CNTNAP5: variants seen among roughly 807,000 people sequenced by gnomAD.
The protein encoded by CNTNAP5 is contactin associated protein family member 5.
A neutral mutation model predicts 150.2 loss-of-function variants in CNTNAP5; 72 were observed. That is an observed-to-expected ratio of 0.48 (90% CI 0.40 to 0.58). The LOEUF is 0.58. Among genes scored for constraint, CNTNAP5 ranks in the 20% least tolerant of loss-of-function variants. The pLI is 0.00. For synonymous variants in CNTNAP5, 672 were observed against 619.8 expected (o/e 1.08, Z -1.25); for missense variants, 1,636 against 1,626.2 (o/e 1.01, Z -0.10).
At chr2:124,798,371 A>C (rs901660292) in intron 19 of CNTNAP5, 51 bp downstream of exon 19, 1 of 1,292,646 alleles carries the variant, frequency 7.7e-7, no homozygotes, top group Admixed American at 1.7e-5. Flanking sequence ...GGCTGGAGGG[A>C]CGGTGCATGC....
chr2:124,434,584 G>A lies in CNTNAP5; in HGVS notation c.630G>A (p.Lys210=), dbSNP rs1487557814. ...TLKDVISLKF[K]SMQGDGVLFH... The stretch of plus-strand genomic sequence containing the variant: ...AAGATGTGATCTCCCTGAAGTTCAA[G>A]AGCATGCAAGGAGATGGGGTCCTGT... Residue 210 remains lysine (K), a synonymous_variant, in exon 5 of 24, where the codon AAG becomes AAA. Transcript: ENST00000682447. The A allele has an allele frequency of 1.2e-6, 2 of 1,613,890 alleles. No individual in the cohort carries two copies. Among genetic ancestry groups the A allele is most frequent in the East Asian group, 2.2e-5 (1 of 44,890 alleles).
chr2:124,652,059 C>A (rs185510874), intron 13 of CNTNAP5, among the ~76,000 whole-genome samples: 1 of 152,284 alleles, frequency 6.6e-6, no homozygotes, highest in Non-Finnish European at 1.5e-5. Context: ...GTGACTGAAC[C>A]ATGACACTGT....
chr2:124,447,638 C>T (rs902628586), intron 6 of CNTNAP5, among the ~76,000 whole-genome samples: 3 of 152,166 alleles, frequency 2.0e-5, no homozygotes, highest in African/African-American at 7.2e-5. Flanking sequence ...GTTAAAGCTA[C>T]AGTGGATGAA....
chr2:124,312,518 C>A (rs1202713970), intron 3 of CNTNAP5, among the ~76,000 whole-genome samples: 2 of 151,846 alleles, frequency 1.3e-5, no homozygotes, highest in Non-Finnish European at 1.5e-5. Flanking sequence ...GTGCATGCCA[C>A]CACACCCAAC....
At chr2:124,837,035 G>A (rs1204771210) in intron 19 of CNTNAP5, among the ~76,000 whole-genome samples, 1 of 152,050 alleles carries the variant, frequency 6.6e-6, no homozygotes, top group East Asian at 1.9e-4. Flanking sequence ...TCCCCTGTGA[G>A]AGGGGATCGT....
At chr2:124,800,810 G>T (rs1428589531) in intron 19 of CNTNAP5, among the ~76,000 whole-genome samples, 2 of 152,138 alleles carry the variant, frequency 1.3e-5, no homozygotes, top group Non-Finnish European at 2.9e-5. Flanking sequence ...TTAAGTTTAG[G>T]TCTCAGGGCA....
At chr2:124,541,829 C>T (rs933925121) in intron 10 of CNTNAP5, among the ~76,000 whole-genome samples, 1 of 152,096 alleles carries the variant, frequency 6.6e-6, no homozygotes, top group African/African-American at 2.4e-5. Context: ...ACATTTTGCA[C>T]ACTTATATGA....
At chr2:124,773,919 T>C (rs1004061858) in intron 17 of CNTNAP5, among the ~76,000 whole-genome samples, 14 of 143,228 alleles carry the variant, frequency 9.8e-5, no homozygotes, top group Non-Finnish European at 1.7e-4. Flanking sequence ...CGTGTGTGTG[T>C]GTGTGTGTGT....
intron 10 of CNTNAP5, among the ~76,000 whole-genome samples, chr2:124,537,485 C>T (rs896351041): frequency 1.3e-5 from 2 of 152,082 alleles, no homozygotes; most frequent in Non-Finnish European, 2.9e-5. Flanking sequence ...GCTCAGGGCT[C>T]CCATGAGACA....
intron 7 of CNTNAP5, among the ~76,000 whole-genome samples, chr2:124,483,683 C>A (rs1272887134): frequency 6.6e-6 from 1 of 152,176 alleles, no homozygotes; most frequent in African/African-American, 2.4e-5. Context: ...CATATGTATA[C>A]AACATGGCAT....
chr2:124,482,000 C>T (rs577645425), intron 7 of CNTNAP5, among the ~76,000 whole-genome samples: 70 of 152,170 alleles, frequency 4.6e-4, no homozygotes, highest in Admixed American at 1.4e-3. Flanking sequence ...GCTAGTTTCA[C>T]CTGATACTTT....
At chr2:124,533,878 G>T (rs1448656944) in intron 10 of CNTNAP5, among the ~76,000 whole-genome samples, 1 of 152,206 alleles carries the variant, frequency 6.6e-6, no homozygotes, top group East Asian at 1.9e-4. Flanking sequence ...ACTGTTTGTT[G>T]TGAGGTACCC....
intron 10 of CNTNAP5, among the ~76,000 whole-genome samples, chr2:124,528,119 A>G (rs1229664266): frequency 1.3e-5 from 2 of 152,186 alleles, no homozygotes; most frequent in East Asian, 3.9e-4. Context: ...TCCTCTCCAG[A>G]GCCTACCTCC....
chr2:124,036,895 C>T (rs1029863624), intron 1 of CNTNAP5, among the ~76,000 whole-genome samples: 1 of 152,168 alleles, frequency 6.6e-6, no homozygotes, highest in Admixed American at 6.5e-5. Context: ...GGCTCCAAAA[C>T]TCATACTTTG....
intron 5 of CNTNAP5, among the ~76,000 whole-genome samples, chr2:124,435,968 C>T (rs1009987021): frequency 6.6e-6 from 1 of 152,066 alleles, no homozygotes; most frequent in Non-Finnish European, 1.5e-5. Context: ...TGCTGGTAAC[C>T]TCATTGGTTG....
At chr2:124,126,399 A>T (rs1024212530) in intron 1 of CNTNAP5, among the ~76,000 whole-genome samples, 1 of 138,950 alleles carries the variant, frequency 7.2e-6, no homozygotes, top group Non-Finnish European at 1.5e-5. Flanking sequence ...TGGGCTCTGA[A>T]ATTGAGCCAA....
chr2:124,728,100 C>T (rs1242625883), intron 13 of CNTNAP5, among the ~76,000 whole-genome samples: 1 of 151,942 alleles, frequency 6.6e-6, no homozygotes, highest in Non-Finnish European at 1.5e-5. Flanking sequence ...TGTGGTGTAT[C>T]ACATTTATTG....
chr2:124,221,768 T>G lies in CNTNAP5; in HGVS notation c.146T>G (p.Leu49Arg), dbSNP rs372174479. Residue 49 changes from leucine to arginine, a missense_variant, in exon 2 of 24, where the codon CTC (leucine) becomes CGC (arginine). Transcript: ENST00000682447. ...ATGGCTTTTTCCAGTTCCTCAGACCTCACTGGCACTCACAGCCCAGCTCAA... is the reference window on the plus strand; with the variant it reads ...ATGGCTTTTTCCAGTTCCTCAGACCGCACTGGCACTCACAGCCCAGCTCAA... ...SPMAFSSSSDLTGTHSPAQLN... is the reference protein window; with the variant it reads ...SPMAFSSSSDRTGTHSPAQLN... The G allele has an allele frequency of 2.5e-6, 4 of 1,611,132 alleles. No homozygotes were observed. The highest frequency in any genetic ancestry group is 2.5e-6 in the Non-Finnish European group (3 of 1,178,492).
chr2:124,707,123 A>AAAG lies in CNTNAP5; in HGVS notation c.2078-40092_2078-40090dup, dbSNP rs138452597. 6.3e-3 allele frequency among the ~76,000 whole-genome samples: 461 copies of AAAG among 72,988 alleles called. 20 individuals are homozygous for AAAG. The highest frequency in any genetic ancestry group is 8.1e-3 in the Non-Finnish European group (286 of 35,520). The allele number at this position is 72,988 out of a possible 152,430, so 47.9% of individuals were successfully genotyped here. ...GAGGAAGAAGAAGAGGAAGAAGAAGAAAGAAGAAGAAGAAGAGGAAGAAGA... is the reference window on the plus strand; with the variant it reads ...GAGGAAGAAGAAGAGGAAGAAGAAGAAAGAAGAAGAAGAAGAAGAGGAAGAAGA... On this transcript the variant is annotated intron_variant, in intron 13 of 23. Transcript: ENST00000682447.
Sources: allele counts gnomAD v4.1 joint callset (sites outside exome capture counted in the v4.1 genomes callset), GRCh38; gene constraint gnomAD v4.1.1; transcripts MANE v1.5; gene names NCBI Gene and HGNC (gene_info 2026-07-23, HGNC 2026-07-21).